CHD7: variants seen among roughly 807,000 people sequenced by gnomAD.
The protein encoded by CHD7 is chromodomain helicase DNA binding protein 7.
A neutral mutation model predicts 307.3 loss-of-function variants in CHD7; 24 were observed. The ratio of observed to expected loss-of-function variants is 0.08; its 90% confidence interval spans 0.06 to 0.11. The LOEUF (loss-of-function observed/expected upper bound fraction) is 0.11, where lower values mean the gene tolerates loss of function less well. Among genes scored for constraint, CHD7 ranks in the 10% least tolerant of loss-of-function variants. The pLI is 1.00. For synonymous variants in CHD7, 1,363 were observed against 1,349.9 expected (o/e 1.01, Z -0.21); for missense variants, 3,106 against 3,727.1 (o/e 0.83, Z 4.34).
chr8:60,822,224 AACTT>A, intron 11 of CHD7, 79 bp downstream of exon 11: 1 of 1,320,416 alleles, frequency 7.6e-7, no homozygotes, highest in Non-Finnish European at 1.0e-6. Context: ...AATAAAAAAG[AACTT>A]AATGTTTTAA....
intron 3 of CHD7, among the ~76,000 whole-genome samples, chr8:60,793,319 T>G (rs952924663): frequency 4.6e-5 from 7 of 152,160 alleles, no homozygotes; most frequent in African/African-American, 1.7e-4. Context: ...GCACGGCCTT[T>G]TTTCTTTTCT....
intron 1 of CHD7, among the ~76,000 whole-genome samples, chr8:60,696,104 T>G (rs918669124): frequency 2.0e-5 from 3 of 152,212 alleles, no homozygotes; most frequent in Non-Finnish European, 4.4e-5. Context: ...GAAAATCATG[T>G]TTTTGAAAAA....
intron 21 of CHD7, among the ~76,000 whole-genome samples, chr8:60,843,479 G>A (rs1414323447): frequency 6.6e-6 from 1 of 152,194 alleles, no homozygotes; most frequent in Non-Finnish European, 1.5e-5. Context: ...TCTTCCCATA[G>A]TTGTCACTAT....
At chr8:60,844,038 G>T (rs1805087808) in intron 21 of CHD7, among the ~76,000 whole-genome samples, 1 of 152,234 alleles carries the variant, frequency 6.6e-6, no homozygotes, top group Non-Finnish European at 1.5e-5. Flanking sequence ...CATACCATGA[G>T]CACTGCCTTG....
At chr8:60,826,480 A>G (rs1168256185) in intron 13 of CHD7, among the ~76,000 whole-genome samples, 1 of 152,242 alleles carries the variant, frequency 6.6e-6, no homozygotes, top group African/African-American at 2.4e-5. Context: ...ATTCTTTCCT[A>G]GAATAAGTCA....
intron 2 of CHD7, among the ~76,000 whole-genome samples, chr8:60,780,183 C>T (rs1238808841): frequency 6.6e-6 from 1 of 152,152 alleles, no homozygotes; most frequent in Non-Finnish European, 1.5e-5. Context: ...GAGTCACTTC[C>T]TCTGATCTTG....
chr8:60,854,874 G>A, intron 32 of CHD7, among the ~76,000 whole-genome samples: 1 of 152,112 alleles, frequency 6.6e-6, no homozygotes, highest in Admixed American at 6.5e-5. Context: ...GTGAAATAAA[G>A]CCTTCAGATT....
At chr8:60,788,449 AT>A (rs1233989441) in intron 3 of CHD7, among the ~76,000 whole-genome samples, 2 of 152,130 alleles carry the variant, frequency 1.3e-5, no homozygotes, top group East Asian at 3.9e-4. Flanking sequence ...CTGGTGACTA[AT>A]TTTGAAGAAC....
intron 13 of CHD7, chr8:60,824,452 C>G (rs1345027971): frequency 5.4e-6 from 1 of 186,874 alleles, no homozygotes; most frequent in African/African-American, 2.3e-5. Context: ...ATTCCAAAAT[C>G]TAAAAATATC....
intron 19 of CHD7, among the ~76,000 whole-genome samples, chr8:60,840,078 T>A (rs1804903998): frequency 6.6e-6 from 1 of 152,240 alleles, no homozygotes; most frequent in Non-Finnish European, 1.5e-5. Context: ...TGTTATTCAC[T>A]AGTGTAACTT....
chr8:60,684,699 A>G (rs1319358795), intron 1 of CHD7, among the ~76,000 whole-genome samples: 1 of 152,222 alleles, frequency 6.6e-6, no homozygotes, highest in Non-Finnish European at 1.5e-5. Flanking sequence ...GGCAGTATCC[A>G]ACTTGGTCAG....
intron 1 of CHD7, among the ~76,000 whole-genome samples, chr8:60,724,495 T>G (rs1246927668): frequency 6.6e-6 from 1 of 152,190 alleles, no homozygotes; most frequent in Non-Finnish European, 1.5e-5. Flanking sequence ...CGCTTCCAAG[T>G]AGCCTTGTGA....
chr8:60,798,273 A>G (rs1812123069), intron 4 of CHD7, among the ~76,000 whole-genome samples: 1 of 152,230 alleles, frequency 6.6e-6, no homozygotes, highest in African/African-American at 2.4e-5. Context: ...GGAGGGTCCC[A>G]GGAGGAACCT....
intron 4 of CHD7, among the ~76,000 whole-genome samples, chr8:60,799,012 TC>T (rs1812166556): frequency 6.6e-6 from 1 of 152,224 alleles, no homozygotes; most frequent in South Asian, 2.1e-4. Flanking sequence ...GTCTGTCTTT[TC>T]ACATTCCTTA....
At chr8:60,816,314 CTT>C (rs1357028942) in intron 7 of CHD7, 71 bp from the exon 8 acceptor site, 8 of 880,072 alleles carry the variant, frequency 9.1e-6, no homozygotes, top group African/African-American at 1.7e-5. Flanking sequence ...GTGTAGTTGA[CTT>C]TTTTGAATAA....
At chr8:60,803,504 A>G (rs1812405260) in intron 6 of CHD7, among the ~76,000 whole-genome samples, 1 of 152,172 alleles carries the variant, frequency 6.6e-6, no homozygotes, top group South Asian at 2.1e-4. Flanking sequence ...TTGTCTTATC[A>G]TAGGAGATTA....
chr8:60,701,263 G>A (rs1806747406), intron 1 of CHD7, among the ~76,000 whole-genome samples: 1 of 152,198 alleles, frequency 6.6e-6, no homozygotes, highest in Admixed American at 6.5e-5. Flanking sequence ...TGGTCATCAT[G>A]GTAGAAGAGA....
Position 60,727,326 on chromosome 8 carries a change from C to G in CHD7, c.-174-13933C>G, listed in dbSNP as rs190930260. Among the ~76,000 whole-genome samples the G allele has an allele frequency of 2.7e-3, 404 of 152,230 alleles. 4 individuals carry two copies. The highest frequency in any genetic ancestry group is 9.2e-3 in the African/African-American group (381 of 41,512). On this transcript the variant is annotated intron_variant, in intron 1 of 37. Transcript: ENST00000423902. The stretch of plus-strand genomic sequence containing the variant: ...TATTTTTAGTAGAGACGGGGTTTCC[C>G]CATGTTGACCAGGCTGGTCTTGAAC...
intron 4 of CHD7, among the ~76,000 whole-genome samples, chr8:60,796,037 C>T (rs1194478621): frequency 6.6e-6 from 1 of 152,212 alleles, no homozygotes; most frequent in Non-Finnish European, 1.5e-5. Flanking sequence ...TTGTAGTGTG[C>T]AGCTCTGTTC....
Sources: gnomAD v4.1 joint callset for allele counts (sites outside exome capture counted in the v4.1 genomes callset) on GRCh38, gnomAD v4.1.1 for gene constraint, MANE v1.5 for transcripts, NCBI Gene and HGNC (gene_info 2026-07-23, HGNC 2026-07-21) for gene names.